Variants in TET2 observed in about 807,000 individuals in gnomAD.
TET2 encodes tet methylcytosine dioxygenase 2.
TET2 carries 299 observed loss-of-function variants against 142.9 expected under a neutral mutation model. The ratio of observed to expected loss-of-function variants is 2.09; its 90% CI spans 1.90 to 2.30. TET2 has a LOEUF of 2.30. Among genes scored for constraint, TET2 ranks in the 30% most tolerant of loss-of-function variants. The pLI, the probability that TET2 is intolerant of heterozygous loss-of-function variation, is 0.00. For missense variants in TET2, 2,418 were observed against 2,378.0 expected, an observed-to-expected ratio of 1.02 and a Z score of -0.35; for synonymous variants, 819 against 849.0, an observed-to-expected ratio of 0.96 and a Z score of 0.61.
intron 2 of TET2, among the ~76,000 whole-genome samples, chr4:105,195,102 T>A (rs1445197776): frequency 1.3e-5 from 2 of 152,154 alleles, no homozygotes; most frequent in African/African-American, 4.8e-5. Flanking sequence ...GTCCTTTGAT[T>A]TTAGAACAAG....
chr4:105,197,046 C>A lies in TET2; in HGVS notation c.-47+6541C>A, dbSNP rs142881052. Among the ~76,000 whole-genome samples the A allele has an allele frequency of 5.1e-3, 774 of 152,240 alleles. 6 individuals carry two copies. Among genetic ancestry groups the A allele is most frequent in the African/African-American group, 0.018 (737 of 41,526 alleles). ...TGTCAAAACATGATAATCTCATTTG[C>A]AAAGTTACATTATATCGGAGCTTGA... On this transcript the variant is annotated intron_variant, in intron 2 of 10. Coordinates refer to ENST00000380013, the MANE Select transcript of TET2 (RefSeq NM_001127208.3).
intron 2 of TET2, among the ~76,000 whole-genome samples, chr4:105,204,198 AAAAAAC>A (rs1726657773): frequency 1.3e-5 from 2 of 148,338 alleles, no homozygotes; most frequent in African/African-American, 2.5e-5. Flanking sequence ...ACTCCGTCTC[AAAAAAC>A]AAAAACAAAC....
chr4:105,257,994 G>A (rs1730225638), intron 6 of TET2, among the ~76,000 whole-genome samples: 1 of 152,092 alleles, frequency 6.6e-6, no homozygotes, highest in Admixed American at 6.6e-5. Context: ...CCAGTCTAGA[G>A]TATATCCAAC....
intron 1 of TET2, among the ~76,000 whole-genome samples, chr4:105,156,485 G>A (rs191590157): frequency 2.6e-5 from 4 of 152,194 alleles, no homozygotes; most frequent in African/African-American, 4.8e-5. Flanking sequence ...TACAGTTGTC[G>A]TGCCTCATTA....
intron 1 of TET2, among the ~76,000 whole-genome samples, chr4:105,148,588 G>T (rs1039606322): frequency 2.6e-5 from 4 of 152,064 alleles, no homozygotes; most frequent in Non-Finnish European, 4.4e-5. Flanking sequence ...TGATACTGTG[G>T]GTATTGTTGC....
intron 2 of TET2, among the ~76,000 whole-genome samples, chr4:105,226,678 G>C (rs2110607484): frequency 6.7e-6 from 1 of 149,860 alleles, no homozygotes; most frequent in African/African-American, 2.5e-5. Context: ...TCCCACTCCA[G>C]CCATGTTAGA....
At position 105,218,905 on chromosome 4, in the gene TET2, G is replaced by A. The variant is rs1363156496; in HGVS notation, c.-46-14992G>A. Among the ~76,000 whole-genome samples, 3 of 151,900 alleles carry A rather than the reference G, an allele frequency of 2.0e-5. No individual in the cohort carries two copies. The East Asian group carries it at 5.8e-4, about 29-fold the overall frequency. On this transcript the variant is annotated intron_variant, in intron 2 of 10. Transcript: ENST00000380013. ...TTACTATTTTGATAATCTAAAACAT[G>A]CTATATAATTTTAGGCGATCTTAAC... is the stretch of plus-strand genomic sequence containing the variant.
intron 1 of TET2, chr4:105,172,293 A>C (rs1220014985): frequency 6.6e-6 from 1 of 152,252 alleles, no homozygotes. Context: ...TGCTGATAAC[A>C]CACACAGTTG....
chr4:105,257,962 T>C (rs1730223664), intron 6 of TET2, among the ~76,000 whole-genome samples: 1 of 152,164 alleles, frequency 6.6e-6, no homozygotes, highest in African/African-American at 2.4e-5. Context: ...TCTCTGTGAA[T>C]GGGACTTTAG....
At chr4:105,187,698 A>G (rs1158032523) in intron 1 of TET2, among the ~76,000 whole-genome samples, 1 of 152,164 alleles carries the variant, frequency 6.6e-6, no homozygotes, top group Non-Finnish European at 1.5e-5. Flanking sequence ...CTGTTTGATC[A>G]TTTTATTTCA....
chr4:105,240,222 C>T (rs1729218724), intron 3 of TET2: 5 of 390,866 alleles, frequency 1.3e-5, no homozygotes, highest in Non-Finnish European at 2.0e-5. Context: ...CACTGATAGA[C>T]ATACTTAACA....
At chr4:105,215,326 G>A (rs1727430253) in intron 2 of TET2, among the ~76,000 whole-genome samples, 1 of 152,044 alleles carries the variant, frequency 6.6e-6, no homozygotes, top group Non-Finnish European at 1.5e-5. Context: ...GGTTATTTCA[G>A]TGTCTCTCTG....
rs1187429193 is a variant in TET2, at chr4:105,179,779, C to A, written c.-192-10581C>A. On this transcript the variant is annotated intron_variant, in intron 1 of 10. Coordinates refer to ENST00000380013, the MANE Select transcript of TET2 (RefSeq NM_001127208.3). ...AGAGTATTAAGTCATTTCAGTGGCA[C>A]ATGTTTGAGGGAAGATTGACATCCC... 2.0e-5 allele frequency among the ~76,000 whole-genome samples: 3 copies of A among 152,278 alleles called. No homozygotes were observed. In the East Asian group the frequency reaches 5.8e-4, roughly 29 times the overall value.
At chr4:105,148,059 T>TACACACACAC (rs146633281) in intron 1 of TET2, among the ~76,000 whole-genome samples, 14 of 147,830 alleles carry the variant, frequency 9.5e-5, no homozygotes, top group African/African-American at 2.7e-4. Flanking sequence ...CTCATACACA[T>TACACACACAC]ACACACACAC....
intron 1 of TET2, among the ~76,000 whole-genome samples, chr4:105,174,877 G>A (rs1724688870): frequency 6.6e-6 from 1 of 152,182 alleles, no homozygotes; most frequent in Non-Finnish European, 1.5e-5. Context: ...GATTTTATAA[G>A]AGTGTAACCT....
chr4:105,168,524 A>G (rs2110405919), intron 1 of TET2, among the ~76,000 whole-genome samples: 1 of 152,010 alleles, frequency 6.6e-6, no homozygotes, highest in Admixed American at 6.6e-5. Flanking sequence ...TTCCCTAACC[A>G]TTCTATCTAA....
chr4:105,217,659 G>GA (rs1269508571), intron 2 of TET2, among the ~76,000 whole-genome samples: 11 of 151,772 alleles, frequency 7.2e-5, no homozygotes, highest in Non-Finnish European at 1.5e-4. Flanking sequence ...TTTTAAATTA[G>GA]AAAAAAAATA....
intron 6 of TET2, among the ~76,000 whole-genome samples, chr4:105,245,310 T>TGATGGACTA (rs1207758877): frequency 1.3e-5 from 2 of 152,086 alleles, no homozygotes; most frequent in African/African-American, 4.8e-5. Context: ...TATAAACTTA[T>TGATGGACTA]GATGGACTAC....
At chr4:105,249,406 A>G (rs1192840811) in intron 6 of TET2, among the ~76,000 whole-genome samples, 2 of 152,206 alleles carry the variant, frequency 1.3e-5, no homozygotes, top group Non-Finnish European at 2.9e-5. Flanking sequence ...GCTGCAATGA[A>G]CATCGGTGTA....
Sources: allele counts gnomAD v4.1 joint callset (sites outside exome capture counted in the v4.1 genomes callset), GRCh38; gene constraint gnomAD v4.1.1; transcripts MANE v1.5; gene names NCBI Gene and HGNC (gene_info 2026-07-23, HGNC 2026-07-21).